Variants in RBM33 observed in about 807,000 individuals in gnomAD.
The protein encoded by RBM33 is RNA binding motif protein 33.
RBM33 carries 28 observed loss-of-function variants against 132.6 expected under a neutral mutation model. The observed-to-expected ratio is 0.21, with a 90% CI of 0.16 to 0.29. The LOEUF is 0.29. Among genes scored for constraint, RBM33 ranks in the 10% least tolerant of loss-of-function variants. RBM33 has a pLI of 1.00. For synonymous variants in RBM33, 634 were observed against 593.0 expected, an observed-to-expected ratio of 1.07 and a Z score of -1.01; for missense variants, 1,291 against 1,518.5, an observed-to-expected ratio of 0.85 and a Z score of 2.49.
At chr7:155,734,548 T>C (rs777918212) in intron 9 of RBM33, among the ~76,000 whole-genome samples, 17 of 152,214 alleles carry the variant, frequency 1.1e-4, no homozygotes, top group Admixed American at 5.9e-4. Context: ...ACAACTATTA[T>C]CTTGTTTCAG....
At chr7:155,692,379 G>A (rs142217959) in intron 5 of RBM33, among the ~76,000 whole-genome samples, 95 of 152,276 alleles carry the variant, frequency 6.2e-4, no homozygotes, top group African/African-American at 2.2e-3. Flanking sequence ...GCAAATCACT[G>A]CCTGTCCTTT....
At chr7:155,660,409 A>C (rs1369260077) in intron 1 of RBM33, among the ~76,000 whole-genome samples, 2 of 152,198 alleles carry the variant, frequency 1.3e-5, no homozygotes, top group Non-Finnish European at 2.9e-5. Context: ...TGGCAGAAGG[A>C]GGGGTAAGAC....
At chr7:155,771,630 T>C (rs11767758) in intron 16 of RBM33, among the ~76,000 whole-genome samples, 4,169 of 152,336 alleles carry the variant, frequency 0.027, 72 homozygotes, top group Middle Eastern at 0.037. Context: ...ATACCCTCAT[T>C]TCACATTGTG....
chr7:155,710,903 A>G (rs1585471442), intron 7 of RBM33, among the ~76,000 whole-genome samples: 1 of 115,360 alleles, frequency 8.7e-6, no homozygotes, highest in African/African-American at 3.3e-5. Context: ...AATTCCCTGA[A>G]CTGAATTTTT....
chr7:155,673,949 T>TTTTG (rs1563138381), intron 3 of RBM33, among the ~76,000 whole-genome samples: 2 of 106,512 alleles, frequency 1.9e-5, no homozygotes, highest in African/African-American at 3.5e-5. Context: ...AGTTTTTTTT[T>TTTTG]TTTTTTTTTT....
intron 8 of RBM33, among the ~76,000 whole-genome samples, chr7:155,717,020 A>G (rs1225246346): frequency 6.6e-6 from 1 of 152,226 alleles, no homozygotes. Flanking sequence ...GAATTCCTTG[A>G]GTAATCATAG....
intron 5 of RBM33, among the ~76,000 whole-genome samples, chr7:155,697,185 C>G (rs1480314671): frequency 1.3e-5 from 2 of 149,878 alleles, no homozygotes; most frequent in African/African-American, 5.0e-5. Context: ...AGCCCCACCT[C>G]CTGGAGGAGG....
intron 1 of RBM33, among the ~76,000 whole-genome samples, chr7:155,655,789 T>C (rs898107249): frequency 5.3e-5 from 8 of 152,284 alleles, no homozygotes; most frequent in Admixed American, 2.6e-4. Flanking sequence ...GGCATGGTAG[T>C]GTGCACCTGT....
rs112299604 is a variant in RBM33 at position 155,740,747 on chromosome 7, T to C, written c.2049+721T>C. Reference sequence around the variant, plus strand: ...TTGTTTTTAGGAAAGGGAGACACAGTGTGGCTAGTGGTCAGGGTTTTTGCC... The same window carrying C: ...TTGTTTTTAGGAAAGGGAGACACAGCGTGGCTAGTGGTCAGGGTTTTTGCC... On this transcript the variant is annotated intron_variant, in intron 12 of 17. Coordinates refer to ENST00000401878, the MANE Select transcript of RBM33 (RefSeq NM_053043.3). 1.1e-4 allele frequency among the ~76,000 whole-genome samples: 17 copies of C among 152,328 alleles called. 2 individuals are homozygous for C. The highest frequency in any genetic ancestry group is 3.8e-4 in the African/African-American group (16 of 41,574).
In RBM33 at chr7:155,717,232, A is replaced by C. The variant is rs78662866; in HGVS notation, c.1202-1153A>C. On this transcript the variant is annotated intron_variant, in intron 8 of 17. Coordinates refer to ENST00000401878, the MANE Select transcript of RBM33 (RefSeq NM_053043.3). ...AGGGTGAGTTAAACAACAGAAACTT[A>C]TTTTCTCGCAGTTCCGGAGGCTGGA... 8.5e-3 allele frequency among the ~76,000 whole-genome samples: 1,298 copies of C among 152,152 alleles called. 32 individuals are homozygous for C. Among genetic ancestry groups the C allele is most frequent in the East Asian group, 0.056 (289 of 5,168 alleles).
chr7:155,761,556 T>C (rs774922656), intron 14 of RBM33, among the ~76,000 whole-genome samples: 4 of 152,248 alleles, frequency 2.6e-5, no homozygotes, highest in Non-Finnish European at 5.9e-5. Context: ...TCATTTCATG[T>C]AAATTGTCTA....
intron 5 of RBM33, among the ~76,000 whole-genome samples, chr7:155,693,331 T>C (rs957287961): frequency 1.2e-5 from 1 of 84,722 alleles, no homozygotes; most frequent in Non-Finnish European, 3.1e-5. Flanking sequence ...GATTTTTTTT[T>C]CTTTTTTTTT....
In RBM33 at chr7:155,774,840, G is replaced by C. The variant is rs1294002048; in HGVS notation, c.3465-153G>C. On this transcript the variant is annotated intron_variant, in intron 17 of 17. Transcript: ENST00000401878. This position sits in a 1 kb window ranked among gnomAD's most constrained non-coding sequence, Gnocchi z 4.2. ...TTTGTCTGGTGGAGAATTGCCCCTT[G>C]TGTTTTAATAGATCTTCCCGGGGAA... 6.6e-6 allele frequency among the ~76,000 whole-genome samples: 1 copy of C among 152,214 alleles called. No individual in the cohort carries two copies. Among genetic ancestry groups the C allele is most frequent in the Non-Finnish European group, 1.5e-5 (1 of 68,036 alleles).
At chr7:155,706,831 A>G (rs750978340) in intron 6 of RBM33, 29 bp from the exon 7 acceptor site, 129 of 1,559,312 alleles carry the variant, frequency 8.3e-5, no homozygotes, top group Non-Finnish European at 1.1e-4. Context: ...CTCGGAAAGT[A>G]ACTAACACAT....
At chr7:155,657,601 G>T (rs987411738) in intron 1 of RBM33, among the ~76,000 whole-genome samples, 77 of 152,214 alleles carry the variant, frequency 5.1e-4, no homozygotes, top group African/African-American at 1.7e-3. Context: ...TCAAATTTCT[G>T]ACCTCAAGCA....
rs1229786251 is a variant in RBM33, at chr7:155,780,108, C to T, written c.*5067C>T. On this transcript the variant is annotated 3_prime_UTR_variant, in exon 18 of 18. Coordinates refer to ENST00000401878, the MANE Select transcript of RBM33 (RefSeq NM_053043.3). Reference sequence around the variant, plus strand: ...TCATGCATTCTTTTAGCATGATTTTCTTTTAAACTGCTTTTCATTTTAAGG... The same window carrying T: ...TCATGCATTCTTTTAGCATGATTTTTTTTTAAACTGCTTTTCATTTTAAGG... 6.6e-6 allele frequency: 1 copy of T among 152,142 alleles called. No homozygotes were observed. The highest frequency in any genetic ancestry group is 6.6e-5 in the Admixed American group (1 of 15,264). 9.4% of individuals were successfully genotyped at this position (152,142 alleles called of 1,614,324 possible).
intron 14 of RBM33, among the ~76,000 whole-genome samples, chr7:155,759,903 C>T (rs927519842): frequency 4.6e-5 from 7 of 152,186 alleles, no homozygotes; most frequent in African/African-American, 1.7e-4. Flanking sequence ...CTGTGAACAT[C>T]GTTCCCTCCA....
At chr7:155,736,319 C>T (rs571045408) in intron 9 of RBM33, among the ~76,000 whole-genome samples, 13 of 152,270 alleles carry the variant, frequency 8.5e-5, no homozygotes, top group African/African-American at 2.9e-4. Flanking sequence ...AAGAATGATA[C>T]TTAAAAGTTG....
chr7:155,755,593 C>T (rs1230432296), intron 14 of RBM33, among the ~76,000 whole-genome samples: 1 of 152,172 alleles, frequency 6.6e-6, no homozygotes, highest in Admixed American at 6.5e-5. Context: ...TGCTTAGCGT[C>T]TGATAGGTAT....
Sources: gnomAD v4.1 joint callset for allele counts (sites outside exome capture counted in the v4.1 genomes callset) on GRCh38, gnomAD v4.1.1 for gene constraint, Gnocchi (gnomAD v3.1) non-coding constraint, MANE v1.5 for transcripts, NCBI Gene and HGNC (gene_info 2026-07-23, HGNC 2026-07-21) for gene names.